The following COL27A1 variants were observed in gnomAD, a reference collection of about 807,000 sequenced individuals.
COL27A1 encodes the protein collagen alpha-1(XXVII) chain.
COL27A1 carries 106 observed loss-of-function variants against 251.3 expected under a neutral mutation model. The ratio of observed to expected loss-of-function variants is 0.42; its 90% CI spans 0.36 to 0.50. COL27A1 has a LOEUF of 0.50. COL27A1 is among the 20% of genes least tolerant of loss of function. The pLI is 0.00. For synonymous variants in COL27A1, 1,000 were observed against 986.3 expected (o/e 1.01, Z -0.26); for missense variants, 2,325 against 2,522.8 (o/e 0.92, Z 1.68).
intron 37 of COL27A1, among the ~76,000 whole-genome samples, chr9:114,281,150 A>G (rs1278316381): frequency 6.6e-6 from 1 of 152,204 alleles, no homozygotes; most frequent in Non-Finnish European, 1.5e-5. Flanking sequence ...ACATCAAAGC[A>G]GCTCCTTAGT....
intron 29 of COL27A1, 36 bp downstream of exon 29, chr9:114,264,444 C>T: frequency 1.4e-6 from 2 of 1,480,448 alleles, no homozygotes; most frequent in Non-Finnish European, 1.8e-6. Context: ...CCTCACTCCT[C>T]CGACACTGGG....
chr9:114,275,611 C>CAACT, intron 36 of COL27A1, 50 bp from the exon 37 acceptor site: 1 of 1,306,636 alleles, frequency 7.7e-7, no homozygotes, highest in South Asian at 1.3e-5. Context: ...ATGCACTTGG[C>CAACT]AACTAACTTA....
intron 12 of COL27A1, among the ~76,000 whole-genome samples, chr9:114,216,893 G>C (rs903456945): frequency 6.6e-6 from 1 of 152,222 alleles, no homozygotes; most frequent in Non-Finnish European, 1.5e-5. Flanking sequence ...ATGAGCCCTC[G>C]GAGAGCCTGT....
chr9:114,299,616 T>C (rs1382280091), intron 49 of COL27A1, among the ~76,000 whole-genome samples: 1 of 152,228 alleles, frequency 6.6e-6, no homozygotes, highest in Non-Finnish European at 1.5e-5. Flanking sequence ...ATATGGTGTG[T>C]CCCTGGGTTG....
chr9:114,167,285 G>A (rs530253334), intron 2 of COL27A1, among the ~76,000 whole-genome samples: 1 of 152,232 alleles, frequency 6.6e-6, no homozygotes, highest in Admixed American at 6.5e-5. Flanking sequence ...TTTGTACCAG[G>A]CACTTAAAAA....
At chr9:114,291,649 C>T (rs774626586) in intron 48 of COL27A1, among the ~76,000 whole-genome samples, 4 of 151,930 alleles carry the variant, frequency 2.6e-5, no homozygotes, top group East Asian at 3.9e-4. Context: ...CTCGGGAGGC[C>T]GAGGCAGGAG....
In COL27A1 at chr9:114,267,515, T is replaced by C. The variant is rs1211942742; in HGVS notation, c.3459T>C (p.Gly1153=). 6.3e-7 allele frequency: 1 copy of C among 1,599,300 alleles called. No homozygotes were observed. Among genetic ancestry groups the C allele is most frequent in the Admixed American group, 1.8e-5 (1 of 55,636 alleles). ...GCGTTTTCTTTCAGGGGCCGCCTGGTGCAGTGGGAGAACCGGGCCTTCCTG... is the reference window on the plus strand; with the variant it reads ...GCGTTTTCTTTCAGGGGCCGCCTGGCGCAGTGGGAGAACCGGGCCTTCCTG... ...PGEMGPKGPP[G]AVGEPGLPGE... Residue 1153 remains glycine, a synonymous_variant, in exon 34 of 61, where the codon GGT becomes GGC. Transcript: ENST00000356083.
intron 5 of COL27A1, among the ~76,000 whole-genome samples, chr9:114,187,473 T>C (rs180985959): frequency 1.3e-5 from 2 of 152,270 alleles, no homozygotes; most frequent in Non-Finnish European, 1.5e-5. Context: ...ACCCCCATTT[T>C]ACAGATGAGG....
At chr9:114,166,444 T>TATCCATCCATCCATCCATCCATCCATCC (rs112047520) in intron 2 of COL27A1, among the ~76,000 whole-genome samples, 1 of 140,858 alleles carries the variant, frequency 7.1e-6, no homozygotes, top group African/African-American at 2.8e-5. Flanking sequence ...TCCATTCATC[T>TATCCATCCATCCATCCATCCATCCATCC]ATCCATCCAT....
chr9:114,222,410 C>T, intron 14 of COL27A1, 143 bp downstream of exon 14: 1 of 404,978 alleles, frequency 2.5e-6, no homozygotes. Flanking sequence ...GCTGGGGGGC[C>T]AGGAGAGACC....
chr9:114,255,642 T>A (rs528431180), intron 27 of COL27A1, among the ~76,000 whole-genome samples: 36 of 152,142 alleles, frequency 2.4e-4, no homozygotes, highest in Non-Finnish European at 4.6e-4. Context: ...TGCTTCCCCC[T>A]CTTCAGTGGG....
At chr9:114,211,471 A>G (rs1830360583) in intron 12 of COL27A1, among the ~76,000 whole-genome samples, 1 of 152,224 alleles carries the variant, frequency 6.6e-6, no homozygotes, top group South Asian at 2.1e-4. Flanking sequence ...CCAGAGGACA[A>G]TGGGGTTTAT....
At chr9:114,247,869 G>A (rs1215024611) in intron 24 of COL27A1, among the ~76,000 whole-genome samples, 1 of 152,150 alleles carries the variant, frequency 6.6e-6, no homozygotes, top group African/African-American at 2.4e-5. Context: ...GTACTGGGTC[G>A]GTGCAAAAGT....
At chr9:114,288,404 A>C in intron 41 of COL27A1, 51 bp from the exon 42 acceptor site, 2 of 1,578,540 alleles carry the variant, frequency 1.3e-6, no homozygotes, top group African/African-American at 1.3e-5. Context: ...GGAATTCCCC[A>C]CATTCCCCAG....
At chr9:114,218,196 G>C (rs1490595837) in intron 12 of COL27A1, 1 of 199,544 alleles carries the variant, frequency 5.0e-6, no homozygotes, top group Non-Finnish European at 1.0e-5. Flanking sequence ...GCATGACCAA[G>C]AAGAGCTGGT....
chr9:114,282,679 G>A, intron 39 of COL27A1, 115 bp downstream of exon 39: 3 of 659,786 alleles, frequency 4.5e-6, no homozygotes, highest in Non-Finnish European at 7.5e-6. Context: ...GCTATTAGCT[G>A]AACACCTGGT....
chr9:114,246,810 T>C (rs566654163), intron 24 of COL27A1, among the ~76,000 whole-genome samples: 2 of 152,186 alleles, frequency 1.3e-5, no homozygotes, highest in Non-Finnish European at 2.9e-5. Context: ...TCGAGCGCAT[T>C]CTGTGGGAAG....
chr9:114,245,361 T>C (rs1833059947), intron 23 of COL27A1, among the ~76,000 whole-genome samples: 1 of 152,092 alleles, frequency 6.6e-6, no homozygotes, highest in South Asian at 2.1e-4. Flanking sequence ...TTCTCCATGT[T>C]GGCCAGGCTG....
intron 13 of COL27A1, among the ~76,000 whole-genome samples, chr9:114,221,505 C>T (rs528933864): frequency 7.9e-5 from 12 of 152,200 alleles, no homozygotes; most frequent in Non-Finnish European, 1.5e-4. Flanking sequence ...TTGCTAATTA[C>T]AATGTCTAGA....
Sources: allele counts gnomAD v4.1 joint callset (sites outside exome capture counted in the v4.1 genomes callset), GRCh38; gene constraint gnomAD v4.1.1; transcripts MANE v1.5; gene names NCBI Gene and HGNC (gene_info 2026-07-23, HGNC 2026-07-21).